The following C8B variants were observed in gnomAD, a reference collection of about 807,000 sequenced individuals.
The protein encoded by C8B is complement component C8 beta chain.
Under a neutral mutation model 64.6 loss-of-function variants are expected in C8B, and 67 were observed. The observed-to-expected ratio is 1.04, with a 90% CI of 0.85 to 1.27. The LOEUF is 1.27. C8B is among the 50% of genes most tolerant of loss of function. C8B has a pLI of 0.00. For synonymous variants in C8B, 284 were observed against 257.7 expected, an observed-to-expected ratio of 1.10 and a Z score of -0.98; for missense variants, 790 against 725.2, an observed-to-expected ratio of 1.09 and a Z score of -1.03.
In C8B at chr1:56,943,839, G is replaced by A. The variant is rs1557733514; in HGVS notation, c.1106-15C>T. 1.2e-6 allele frequency: 2 copies of A among 1,613,660 alleles called. No individual in the cohort carries two copies. The highest frequency in any genetic ancestry group is 8.5e-7 in the Non-Finnish European group (1 of 1,179,814). The stretch of plus-strand genomic sequence containing the variant: ...AAGAGTATAATCTGAAGAAAACAAG[G>A]AAAAAGGTCCATGACGTAAAAGGTA... On this transcript the variant is annotated splice_polypyrimidine_tract_variant and intron_variant, in intron 7 of 11. Transcript: ENST00000371237.
intron 8 of C8B, among the ~76,000 whole-genome samples, chr1:56,943,307 G>C (rs935562750): frequency 1.3e-5 from 2 of 152,132 alleles, no homozygotes; most frequent in African/African-American, 4.8e-5. Context: ...AAGATGTTCA[G>C]AGCAGCATCA....
chr1:56,936,007 A>G (rs552995430), intron 9 of C8B, among the ~76,000 whole-genome samples: 36 of 152,326 alleles, frequency 2.4e-4, no homozygotes, highest in Admixed American at 1.6e-3. Flanking sequence ...GTATCCTTCT[A>G]TATGGATGAG....
chr1:56,934,032 C>T (rs1162437785), intron 9 of C8B, among the ~76,000 whole-genome samples: 1 of 152,138 alleles, frequency 6.6e-6, no homozygotes, highest in Non-Finnish European at 1.5e-5. Flanking sequence ...TCCAGAGCTG[C>T]AAAGCTCACA....
intron 9 of C8B, among the ~76,000 whole-genome samples, chr1:56,934,567 G>A (rs904022867): frequency 2.0e-5 from 3 of 152,164 alleles, no homozygotes; most frequent in Admixed American, 6.5e-5. Flanking sequence ...CCCTAATCCT[G>A]CCCTGGAGAG....
intron 6 of C8B, among the ~76,000 whole-genome samples, chr1:56,947,337 T>C (rs905331098): frequency 5.3e-5 from 8 of 152,200 alleles, no homozygotes; most frequent in Non-Finnish European, 1.0e-4. Context: ...CTCCACACTT[T>C]ACTACTTTCT....
chr1:56,949,012 T>A (rs1644982268), intron 6 of C8B, among the ~76,000 whole-genome samples: 1 of 152,002 alleles, frequency 6.6e-6, no homozygotes, highest in Non-Finnish European at 1.5e-5. Context: ...TTAGCTATTT[T>A]TTTTTTTTGA....
At position 56,929,445 on chromosome 1, in the gene C8B, G is replaced by A. The variant is rs1191240412; in HGVS notation, c.1735C>T (p.Pro579Ser). The change falls in exon 12 of 12, where the codon CCC (proline) becomes TCC (serine). Residue 579 changes from proline to serine, a missense_variant. Coordinates refer to ENST00000371237, the MANE Select transcript of C8B (RefSeq NM_000066.4). ...GTTTCTGAAGCAGGGCCTGAACAGG[G>A]GCTACCCCCATTTTGAGGAGGTGGA... The part of the protein sequence containing the change: ...NNPPPQNGGS[P>S]CSGPASETLD... The A allele has an allele frequency of 1.2e-6, 2 of 1,612,566 alleles. No homozygotes were observed. Among genetic ancestry groups the A allele is most frequent in the South Asian group, 1.1e-5 (1 of 91,014 alleles).
chr1:56,937,298 G>A (rs912001003), intron 9 of C8B, among the ~76,000 whole-genome samples: 5 of 152,118 alleles, frequency 3.3e-5, no homozygotes, highest in Non-Finnish European at 5.9e-5. Context: ...ACGACAAGAC[G>A]CAGCCCCCAT....
chr1:56,951,672 C>T (rs1397929750), intron 5 of C8B, among the ~76,000 whole-genome samples: 1 of 152,146 alleles, frequency 6.6e-6, no homozygotes. Flanking sequence ...CTAATCCTCT[C>T]CCTGCAGGGT....
intron 11 of C8B, among the ~76,000 whole-genome samples, chr1:56,930,806 G>A (rs1644690333): frequency 6.6e-6 from 1 of 152,158 alleles, no homozygotes; most frequent in African/African-American, 2.4e-5. Context: ...AAGTAACAAT[G>A]TGCTCTTTAA....
chr1:56,943,612 A>G, intron 8 of C8B, 84 bp downstream of exon 8: 1 of 1,537,336 alleles, frequency 6.5e-7, no homozygotes, highest in Non-Finnish European at 9.0e-7. Flanking sequence ...TTTGTCTCAA[A>G]AAGGGAGGGA....
intron 3 of C8B, 118 bp downstream of exon 3, chr1:56,956,651 G>A: frequency 2.0e-6 from 2 of 1,017,518 alleles, no homozygotes; most frequent in Non-Finnish European, 3.1e-6. Context: ...GGACAAGGAG[G>A]CCTCCTGAGC....
rs978431854 is a variant in C8B at position 56,949,025 on chromosome 1, A to G, written c.864+530T>C. ...AGTTAGCTATTTTTTTTTTTTGAGA[A>G]GATTTCAAGACAACAGAAAGATAAT... On this transcript the variant is annotated intron_variant, in intron 6 of 11. Coordinates refer to ENST00000371237, the MANE Select transcript of C8B (RefSeq NM_000066.4). Among the ~76,000 whole-genome samples, 41 of 151,640 alleles carry G rather than the reference A, an allele frequency of 2.7e-4. 1 individual carries two copies. The highest frequency in any genetic ancestry group is 5.9e-5 in the Non-Finnish European group (4 of 67,900).
intron 8 of C8B, among the ~76,000 whole-genome samples, chr1:56,941,539 TAG>T (rs1644860834): frequency 7.8e-6 from 1 of 128,576 alleles, no homozygotes; most frequent in Non-Finnish European, 1.7e-5. Context: ...GATAGATAGA[TAG>T]ATAGATAGAT....
At chr1:56,955,908 G>A (rs774180319) in intron 3 of C8B, among the ~76,000 whole-genome samples, 11 of 152,198 alleles carry the variant, frequency 7.2e-5, no homozygotes, top group Non-Finnish European at 2.9e-5. Context: ...GAGAAATAGA[G>A]AACCATCTGT....
intron 1 of C8B, among the ~76,000 whole-genome samples, chr1:56,962,271 G>A (rs915335671): frequency 6.6e-6 from 1 of 152,180 alleles, no homozygotes; most frequent in Admixed American, 6.5e-5. Flanking sequence ...CATTATGGAA[G>A]GTGGCAATAT....
At chr1:56,961,354 A>G (rs1025611088) in intron 1 of C8B, among the ~76,000 whole-genome samples, 5 of 152,260 alleles carry the variant, frequency 3.3e-5, no homozygotes, top group African/African-American at 1.2e-4. Flanking sequence ...GCCCAGCATC[A>G]CCCACGCTAT....
chr1:56,940,983 C>A lies in C8B; in HGVS notation c.1264G>T (p.Asp422Tyr). 6.2e-7 allele frequency: 1 copy of A among 1,613,802 alleles called. No individual in the cohort carries two copies. Among genetic ancestry groups the A allele is most frequent in the Non-Finnish European group, 8.5e-7 (1 of 1,179,950 alleles). Residue 422 changes from aspartate to tyrosine, a missense_variant, in exon 9 of 12, where the codon GAC (aspartate) becomes TAC (tyrosine). By Grantham distance (160) the Asp-to-Tyr change is radical. Transcript: ENST00000371237. ...DRNKRDTMVE[D>Y]LVVLVRGGAS... ...CCTCCTCGTACCAGGACCACCAAGT[C>A]CTCCACCATGGTGTCCCTCTTGTTT...
chr1:56,946,066 A>G lies in C8B; in HGVS notation c.865-5T>C, dbSNP rs375053307. 12 of 1,614,098 alleles carry G rather than the reference A, an allele frequency of 7.4e-6. No individual in the cohort carries two copies. In the African/African-American group the frequency reaches 1.2e-4, roughly 16 times the overall value. On this transcript the variant is annotated splice_region_variant and splice_polypyrimidine_tract_variant and intron_variant, in intron 6 of 11. Transcript: ENST00000371237. ...TGCATGCAGAAATACGCTTTTCTAA[A>G]TGAAATACCAACATGGGAAAACCAG...
Sources: allele counts gnomAD v4.1 joint callset (sites outside exome capture counted in the v4.1 genomes callset), GRCh38; gene constraint gnomAD v4.1.1; transcripts MANE v1.5; gene names NCBI Gene and HGNC (gene_info 2026-07-23, HGNC 2026-07-21).